RAB9B: variants seen among roughly 807,000 people sequenced by gnomAD.
RAB9B encodes the protein RAB9B, member RAS oncogene family.
RAB9B carries 1 observed loss-of-function variant against 8.9 expected under a neutral mutation model. The observed-to-expected ratio is 0.11, with a 90% CI of 0.04 to 0.53. The LOEUF (loss-of-function observed/expected upper bound fraction) is 0.53. RAB9B is among the 20% of genes least tolerant of loss of function. The pLI, the probability that RAB9B is intolerant of heterozygous loss-of-function variation, is 0.93. For synonymous variants in RAB9B, 63 were observed against 57.0 expected, an observed-to-expected ratio of 1.10 and a Z score of -0.47; for missense variants, 82 against 152.9, an observed-to-expected ratio of 0.54 and a Z score of 2.45.
chrX:103,828,712 A>T (rs2074692552), intron 1 of RAB9B, among the ~76,000 whole-genome samples: 1 of 112,271 alleles, frequency 8.9e-6, no homozygotes, highest in Non-Finnish European at 1.9e-5. Context: ...AGCTCCAGGA[A>T]TAATGATGAT....
At chrX:103,797,453 G>C in the RAB9B span, among the ~76,000 whole-genome samples, 4 of 111,885 alleles carry the variant, frequency 3.6e-5, no homozygotes, top group African/African-American at 1.3e-4. Context: ...ATGAAGGTGT[G>C]CTCCAGAGAG....
At position 103,823,870 on chromosome X, in the gene RAB9B, A is replaced by G. The variant is rs1192387436; in HGVS notation, c.*1309T>C. On this transcript the variant is annotated 3_prime_UTR_variant, in exon 3 of 3. Transcript: ENST00000243298. ...ATCACAGAATGGTTTGAGAATTTTT[A>G]AAGTCCCTCTCCATAGTCTTAGCTG... is the stretch of plus-strand genomic sequence containing the variant. 1.8e-5 allele frequency: 2 copies of G among 112,558 alleles called. No individual in the cohort carries two copies. The highest frequency in any genetic ancestry group is 3.8e-5 in the Non-Finnish European group (2 of 53,323). 9.3% of individuals were successfully genotyped at this position (112,558 alleles called of 1,213,427 possible).
chrX:103,831,240 C>T (rs979902005), intron 1 of RAB9B, among the ~76,000 whole-genome samples: 1 of 109,675 alleles, frequency 9.1e-6, no homozygotes, highest in Non-Finnish European at 1.9e-5. Flanking sequence ...AGTGTGTTTC[C>T]AATACAACCC....
chrX:103,786,132 C>T, the RAB9B span: 2 of 1,095,608 alleles, frequency 1.8e-6, no homozygotes, highest in East Asian at 3.9e-5. Flanking sequence ...GCTCCTGTTC[C>T]TTCACCCACC....
the RAB9B span, chrX:103,777,065 A>C: frequency 1.0e-5 from 10 of 1,002,502 alleles, no homozygotes; most frequent in Non-Finnish European, 1.4e-5. Flanking sequence ...AGAATTTCCA[A>C]CTTTGGGGTT....
chrX:103,787,436 G>A, the RAB9B span: 4 of 266,153 alleles, frequency 1.5e-5, no homozygotes, highest in Non-Finnish European at 2.7e-5. Flanking sequence ...TGTTCCTATG[G>A]CAAGGAACAT....
At chrX:103,815,534 G>T in the RAB9B span, among the ~76,000 whole-genome samples, 1 of 112,250 alleles carries the variant, frequency 8.9e-6, no homozygotes, top group Non-Finnish European at 1.9e-5. Context: ...AGACAAGGAT[G>T]CCCTCTCTCA....
the RAB9B span, among the ~76,000 whole-genome samples, chrX:103,815,162 C>G: frequency 8.9e-6 from 1 of 112,175 alleles, no homozygotes; most frequent in Non-Finnish European, 1.9e-5. Flanking sequence ...AGGCCAGTAT[C>G]CCTGATGAAC....
the RAB9B span, among the ~76,000 whole-genome samples, chrX:103,777,543 G>A: frequency 8.9e-6 from 1 of 112,307 alleles, no homozygotes; most frequent in Admixed American, 9.4e-5. Context: ...TCAATGGCTT[G>A]ACCATGGGAA....
the RAB9B span, among the ~76,000 whole-genome samples, chrX:103,802,509 G>A: frequency 9.0e-6 from 1 of 111,380 alleles, no homozygotes; most frequent in African/African-American, 3.3e-5. Flanking sequence ...TTAGGAAGTG[G>A]CTACATAGGA....
downstream of RAB9B, among the ~76,000 whole-genome samples, chrX:103,817,633 A>G (rs1317025634): frequency 9.1e-6 from 1 of 110,193 alleles, no homozygotes; most frequent in East Asian, 2.8e-4. Context: ...ACACATATAT[A>G]TAAGTTTAGT....
At chrX:103,806,991 C>T in the RAB9B span, among the ~76,000 whole-genome samples, 335 of 111,694 alleles carry the variant, frequency 3.0e-3, 1 homozygote, top group Non-Finnish European at 5.6e-3. Flanking sequence ...AAAGATGGGG[C>T]AGGGAGGGGG....
chrX:103,782,752 C>G, the RAB9B span, among the ~76,000 whole-genome samples: 126 of 108,533 alleles, frequency 1.2e-3, no homozygotes, highest in Non-Finnish European at 2.2e-3. Flanking sequence ...TTACCCTCGG[C>G]TAAACAAACA....
the RAB9B span, among the ~76,000 whole-genome samples, chrX:103,815,741 G>T: frequency 3.6e-5 from 4 of 111,923 alleles, no homozygotes; most frequent in African/African-American, 1.3e-4. Context: ...AAAGTCTAAG[G>T]ATACAAAATC....
the RAB9B span, among the ~76,000 whole-genome samples, chrX:103,782,790 C>T: frequency 2.0e-4 from 1 of 5,036 alleles, no homozygotes; most frequent in Non-Finnish European, 3.2e-4. Context: ...TGAGTCTGAC[C>T]CCCTCCCCAC....
the RAB9B span, chrX:103,777,132 C>A: frequency 1.8e-6 from 1 of 566,250 alleles, no homozygotes; most frequent in South Asian, 2.5e-5. Context: ...TTTTTAAATT[C>A]CTTAACATTC....
At chrX:103,808,224 C>A in the RAB9B span, among the ~76,000 whole-genome samples, 1 of 111,894 alleles carries the variant, frequency 8.9e-6, no homozygotes, top group African/African-American at 3.2e-5. Context: ...AGATATGTAA[C>A]CTTGAAAAAC....
At chrX:103,788,478 T>C in the RAB9B span, 1 of 1,209,179 alleles carries the variant, frequency 8.3e-7, no homozygotes, top group Non-Finnish European at 1.1e-6. Flanking sequence ...GGTTTGTGGC[T>C]CCAACCTTCT....
the RAB9B span, among the ~76,000 whole-genome samples, chrX:103,809,348 T>C: frequency 8.9e-6 from 1 of 112,191 alleles, no homozygotes; most frequent in Non-Finnish European, 1.9e-5. Flanking sequence ...TTGCCCAGGC[T>C]GGAGTGCAAT....
Sources: gnomAD v4.1 joint callset for allele counts (sites outside exome capture counted in the v4.1 genomes callset) on GRCh38, gnomAD v4.1.1 for gene constraint, MANE v1.5 for transcripts, NCBI Gene and HGNC (gene_info 2026-07-23, HGNC 2026-07-21) for gene names.